The following FAM234A variants were observed in gnomAD, a reference collection of about 807,000 sequenced individuals.
FAM234A encodes protein FAM234A.
FAM234A carries 42 observed loss-of-function variants against 49.1 expected under a neutral mutation model. That is an observed-to-expected ratio of 0.86 (90% CI 0.67 to 1.11). The LOEUF (loss-of-function observed/expected upper bound fraction) is 1.11. FAM234A is among the 50% of genes least tolerant of loss of function. The pLI is 0.00. For synonymous variants in FAM234A, 369 were observed against 316.2 expected (o/e 1.17, Z -1.77); for missense variants, 815 against 745.2 (o/e 1.09, Z -1.09).
At chr16:254,274 A>G in intron 2 of FAM234A, 107 bp from the exon 3 acceptor site, 1 of 823,998 alleles carries the variant, frequency 1.2e-6, no homozygotes, top group South Asian at 1.7e-5. Flanking sequence ...GCCCATAGTT[A>G]GAGCTGCAGC....
At chr16:258,155 A>ATTTTTTTTTTTTTTTTTTTTT (rs577801424) in intron 3 of FAM234A, among the ~76,000 whole-genome samples, 1 of 134,082 alleles carries the variant, frequency 7.5e-6, no homozygotes, top group African/African-American at 2.7e-5. Flanking sequence ...CACCCGGCCT[A>ATTTTTTTTTTTTTTTTTTTTT]TTTTTTTTTT....
intron 3 of FAM234A, among the ~76,000 whole-genome samples, chr16:254,978 C>A (rs1021674449): frequency 1.3e-5 from 2 of 152,226 alleles, no homozygotes; most frequent in African/African-American, 4.8e-5. Flanking sequence ...GCCTCAGCCT[C>A]CCAAATAGCT....
intron 1 of FAM234A, among the ~76,000 whole-genome samples, chr16:240,717 G>C (rs933854872): frequency 2.0e-5 from 3 of 152,030 alleles, no homozygotes; most frequent in Non-Finnish European, 4.4e-5. Context: ...GGCCAGGTTG[G>C]TCTCGCACTC....
At chr16:260,596 C>T (rs2051423863) in intron 5 of FAM234A, 1 of 475,250 alleles carries the variant, frequency 2.1e-6, no homozygotes, top group African/African-American at 2.0e-5. Flanking sequence ...GGTCTCCGAG[C>T]CCCAGCGGAG....
intron 1 of FAM234A, among the ~76,000 whole-genome samples, chr16:245,080 T>G (rs2141210222): frequency 6.6e-6 from 1 of 152,130 alleles, no homozygotes; most frequent in Non-Finnish European, 1.5e-5. Flanking sequence ...TGCTTAACTT[T>G]TAGGCTGGGC....
rs371904925 is a variant in FAM234A at position 264,683 on chromosome 16, G to A, written c.1414G>A (p.Ala472Thr). 8.1e-6 allele frequency: 13 copies of A among 1,612,078 alleles called. No homozygotes were observed. The highest frequency in any genetic ancestry group is 2.2e-5 in the South Asian group (2 of 91,090). ...CCTGCCGCGCGTGCTGCTGGAGCTG[G>A]CCAATGTCTCTACCCACATTGTCGC... ...PTLPRVLLEL[A>T]NVSTHIVAFD... The change falls in exon 12 of 13, where the codon GCC becomes ACC. Residue 472 changes from alanine to threonine, a missense_variant. Physicochemically the swap from Ala to Thr is moderately conservative, Grantham distance 58. Coordinates refer to ENST00000399932, the MANE Select transcript of FAM234A (RefSeq NM_032039.4).
At chr16:240,244 G>A (rs975402008) in intron 1 of FAM234A, 6 of 152,204 alleles carry the variant, frequency 3.9e-5, no homozygotes, top group African/African-American at 1.4e-4. Context: ...GATTATGGAT[G>A]ATGAAGTCTG....
intron 5 of FAM234A, 186 bp downstream of exon 5, chr16:260,346 G>A (rs1001847964): frequency 2.9e-5 from 18 of 626,416 alleles, no homozygotes; most frequent in Non-Finnish European, 3.4e-5. Flanking sequence ...CACACGCCTC[G>A]GCTGCCTTCA....
intron 1 of FAM234A, among the ~76,000 whole-genome samples, chr16:247,331 C>T (rs1482305067): frequency 2.0e-5 from 3 of 151,114 alleles, no homozygotes; most frequent in South Asian, 4.2e-4. Context: ...ACGGTCTCAC[C>T]GTGTTGCCCA....
At position 264,870 on chromosome 16, in the gene FAM234A, T is replaced by C. The variant is rs1319411576; in HGVS notation, c.1507T>C (p.Ser503Pro). Residue 503 changes from serine to proline, a missense_variant, in exon 13 of 13, where the codon TCA becomes CCA. Physicochemically the swap from Ser to Pro is moderately conservative, Grantham distance 74. Transcript: ENST00000399932. ...AYILLTGPAD[S>P]EAPGLVSVIK... Reference sequence around the variant, plus strand: ...CATCCTTCTGACAGGCCCGGCAGACTCAGAGGCACCCGGCCTGGTCTCTGT... The same window carrying C: ...CATCCTTCTGACAGGCCCGGCAGACCCAGAGGCACCCGGCCTGGTCTCTGT... The C allele has an allele frequency of 6.2e-7, 1 of 1,612,440 alleles. No homozygotes were observed.
chr16:237,140 A>G (rs2050433104), intron 1 of FAM234A, among the ~76,000 whole-genome samples: 1 of 152,006 alleles, frequency 6.6e-6, no homozygotes, highest in African/African-American at 2.4e-5. Flanking sequence ...TCCTGGCTTC[A>G]AGCAGTCCTC....
intron 1 of FAM234A, among the ~76,000 whole-genome samples, chr16:244,337 C>T (rs2050727993): frequency 6.6e-6 from 1 of 152,144 alleles, no homozygotes; most frequent in Non-Finnish European, 1.5e-5. Flanking sequence ...TGTAACATGC[C>T]AGGGGTTTGG....
chr16:262,346 C>G (rs1596845701), intron 7 of FAM234A, 78 bp from the exon 8 acceptor site: 1 of 1,557,458 alleles, frequency 6.4e-7, no homozygotes, highest in South Asian at 1.2e-5. Flanking sequence ...GGGCCTGGCT[C>G]CATGTGGCAC....
At chr16:254,920 A>G (rs1213834496) in intron 3 of FAM234A, among the ~76,000 whole-genome samples, 1 of 152,186 alleles carries the variant, frequency 6.6e-6, no homozygotes, top group Non-Finnish European at 1.5e-5. Flanking sequence ...CACTGGCACA[A>G]TCTCAGCTCA....
In FAM234A at chr16:261,299, C is replaced by A. The variant is rs2051454872; in HGVS notation, c.578-85C>A. 3.3e-6 allele frequency: 5 copies of A among 1,501,218 alleles called. No individual in the cohort carries two copies. The East Asian group carries it at 1.1e-4, about 34-fold the overall frequency. 93.0% of individuals were successfully genotyped at this position (1,501,218 alleles called of 1,614,324 possible). ...CACGAGGGTGATGCCTCAACAGGAG[C>A]CTGCCTGTCACAGGCCTTGCAGTTG... On this transcript the variant is annotated intron_variant, in intron 5 of 12. Coordinates refer to ENST00000399932, the MANE Select transcript of FAM234A (RefSeq NM_032039.4).
rs2051645374 is a variant in FAM234A at position 265,043 on chromosome 16, G to A, written c.*21G>A. 2.5e-6 allele frequency: 4 copies of A among 1,580,206 alleles called. No individual in the cohort carries two copies. The highest frequency in any genetic ancestry group is 3.4e-6 in the Non-Finnish European group (4 of 1,160,122). On this transcript the variant is annotated 3_prime_UTR_variant, in exon 13 of 13. Coordinates refer to ENST00000399932, the MANE Select transcript of FAM234A (RefSeq NM_032039.4). ...CGTAGAGGCACGCCAGCCAGAGCCT[G>A]TGGAGAGACTCCGCCTGCTGACACT...
At chr16:235,672 C>G (rs2050374746) in intron 1 of FAM234A, among the ~76,000 whole-genome samples, 1 of 152,310 alleles carries the variant, frequency 6.6e-6, no homozygotes, top group Admixed American at 6.5e-5. Flanking sequence ...TACACTACTT[C>G]CCTTATTGCA....
chr16:250,047 G>A (rs1312671918), intron 2 of FAM234A, among the ~76,000 whole-genome samples: 3 of 152,138 alleles, frequency 2.0e-5, no homozygotes, highest in East Asian at 1.9e-4. Context: ...CCGGGTTCAC[G>A]CCGTTCTCCT....
chr16:262,394 T>G, intron 7 of FAM234A, 30 bp from the exon 8 acceptor site: 2 of 1,570,364 alleles, frequency 1.3e-6, no homozygotes, highest in Non-Finnish European at 1.7e-6. Context: ...GTGACCCTGG[T>G]GACCTCGGGC....
Sources: gnomAD v4.1 joint callset for allele counts (sites outside exome capture counted in the v4.1 genomes callset) on GRCh38, gnomAD v4.1.1 for gene constraint, MANE v1.5 for transcripts, NCBI Gene and HGNC (gene_info 2026-07-23, HGNC 2026-07-21) for gene names.